The following LIMA1 variants were observed in gnomAD, a reference collection of about 807,000 sequenced individuals.
LIMA1 encodes LIM domain and actin-binding protein 1.
In LIMA1, 52 loss-of-function variants were observed where a neutral mutation model predicts 62.6. The ratio of observed to expected loss-of-function variants is 0.83; its 90% CI spans 0.67 to 1.05. The LOEUF is 1.05. LIMA1 is among the 50% of genes least tolerant of loss of function. The pLI is 0.00. For missense variants in LIMA1, 780 were observed against 902.2 expected, an observed-to-expected ratio of 0.86 and a Z score of 1.74; for synonymous variants, 302 against 317.8, an observed-to-expected ratio of 0.95 and a Z score of 0.53.
rs371904235 is a variant in LIMA1 at position 50,198,727 on chromosome 12, C to T, written c.972+2050G>A. On this transcript the variant is annotated intron_variant, in intron 7 of 10. Transcript: ENST00000341247. ...ACTGTAATAGATTTGAAAACCCTTTCTCCTCATCTCATTTAACATTCGATT... is the reference window on the plus strand; with the variant it reads ...ACTGTAATAGATTTGAAAACCCTTTTTCCTCATCTCATTTAACATTCGATT... Among the ~76,000 whole-genome samples the T allele has an allele frequency of 1.7e-4, 26 of 152,262 alleles. No homozygotes were observed. The East Asian group carries it at 4.2e-3, about 25-fold the overall frequency.
intron 2 of LIMA1, among the ~76,000 whole-genome samples, chr12:50,242,416 T>C (rs1002074797): frequency 6.6e-6 from 1 of 151,798 alleles, no homozygotes; most frequent in African/African-American, 2.4e-5. Context: ...AAGGCAGTGG[T>C]GCAATCATAG....
chr12:50,215,980 C>T (rs1318881024), intron 4 of LIMA1, among the ~76,000 whole-genome samples: 3 of 151,484 alleles, frequency 2.0e-5, no homozygotes, highest in Non-Finnish European at 4.4e-5. Flanking sequence ...ACCTGGGAGG[C>T]TGCAGTGAGC....
At chr12:50,215,385 G>T (rs774812871) in intron 4 of LIMA1, among the ~76,000 whole-genome samples, 4 of 152,150 alleles carry the variant, frequency 2.6e-5, no homozygotes, top group Non-Finnish European at 5.9e-5. Flanking sequence ...ACAAACAAGA[G>T]AAAAGGGTGA....
intron 3 of LIMA1, among the ~76,000 whole-genome samples, chr12:50,231,069 G>GT (rs34957964): frequency 1.3e-5 from 2 of 152,096 alleles, no homozygotes; most frequent in Non-Finnish European, 2.9e-5. Flanking sequence ...AAACATATGA[G>GT]TTTTTTTCCT....
chr12:50,212,126 T>C (rs1565842841), intron 4 of LIMA1, among the ~76,000 whole-genome samples: 1 of 152,260 alleles, frequency 6.6e-6, no homozygotes, highest in Non-Finnish European at 1.5e-5. Context: ...AATTTTTTTC[T>C]GTATTTTTTA....
At chr12:50,205,607 A>G (rs1407989044) in intron 5 of LIMA1, among the ~76,000 whole-genome samples, 1 of 152,050 alleles carries the variant, frequency 6.6e-6, no homozygotes, top group Non-Finnish European at 1.5e-5. Flanking sequence ...CATCTACTGA[A>G]GCCCTCAAAC....
At chr12:50,220,366 G>A (rs145809415) in intron 4 of LIMA1, among the ~76,000 whole-genome samples, 7 of 152,092 alleles carry the variant, frequency 4.6e-5, no homozygotes, top group African/African-American at 1.2e-4. Flanking sequence ...GGACTAGTAA[G>A]ATCTTATATG....
intron 4 of LIMA1, among the ~76,000 whole-genome samples, chr12:50,220,927 A>T (rs983576747): frequency 6.6e-6 from 1 of 152,084 alleles, no homozygotes; most frequent in African/African-American, 2.4e-5. Flanking sequence ...ATCGTCAAAA[A>T]CTCGCACAAC....
intron 1 of LIMA1, among the ~76,000 whole-genome samples, chr12:50,253,028 A>G (rs1346574472): frequency 6.6e-6 from 1 of 152,210 alleles, no homozygotes; most frequent in African/African-American, 2.4e-5. Context: ...AAAAGTGGGA[A>G]GAGAGAAATT....
In LIMA1 at chr12:50,222,541, ATGT is replaced by A. The variant is rs747428796; in HGVS notation, c.166-59_166-57del. 4 of 1,611,480 alleles carry A rather than the reference ATGT, an allele frequency of 2.5e-6. No homozygotes were observed. In the Admixed American group the frequency reaches 5.0e-5, roughly 20 times the overall value. On this transcript the variant is annotated intron_variant, in intron 3 of 10. Transcript: ENST00000341247. ...AACTTGCCTGCTGAAACATTCAAAC[ATGT>A]TGTTCTTTGTAAAATGAAAGTTAAA... is the stretch of plus-strand genomic sequence containing the variant.
chr12:50,275,367 AAAT>A (rs1428148444), intron 1 of LIMA1, among the ~76,000 whole-genome samples: 1 of 152,164 alleles, frequency 6.6e-6, no homozygotes, highest in East Asian at 1.9e-4. Context: ...CTGTGTCTCA[AAAT>A]AATAAAATAA....
intron 7 of LIMA1, among the ~76,000 whole-genome samples, chr12:50,200,195 C>T (rs1053812739): frequency 4.1e-5 from 6 of 145,088 alleles, no homozygotes; most frequent in Admixed American, 2.8e-4. Context: ...ACACTCGGCC[C>T]GAATAGATTT....
intron 1 of LIMA1, among the ~76,000 whole-genome samples, chr12:50,262,611 C>T (rs897181048): frequency 6.9e-6 from 1 of 145,248 alleles, no homozygotes; most frequent in African/African-American, 2.6e-5. Flanking sequence ...TGTTCTCTGC[C>T]AAAAAATAAA....
At chr12:50,279,010 CTTTTTTTTTT>C (rs35710007) in intron 1 of LIMA1, among the ~76,000 whole-genome samples, 1 of 137,644 alleles carries the variant, frequency 7.3e-6, no homozygotes, top group Middle Eastern at 3.6e-3. Context: ...CTTTTCTTTT[CTTTTTTTTTT>C]TTTGATATGG....
intron 1 of LIMA1, among the ~76,000 whole-genome samples, chr12:50,272,485 G>A (rs375534873): frequency 5.9e-5 from 9 of 151,582 alleles, no homozygotes; most frequent in Non-Finnish European, 1.3e-4. Context: ...CCAGCTACTC[G>A]GGAGGCTGAG....
intron 4 of LIMA1, among the ~76,000 whole-genome samples, chr12:50,218,514 G>A (rs989832187): frequency 6.6e-6 from 1 of 152,202 alleles, no homozygotes; most frequent in Admixed American, 6.5e-5. Flanking sequence ...TAGCACAGCT[G>A]TACCCAAATG....
At chr12:50,250,290 CAAAAAAAAAAAAAA>C (rs11327744) in intron 1 of LIMA1, among the ~76,000 whole-genome samples, 2 of 64,616 alleles carry the variant, frequency 3.1e-5, no homozygotes, top group African/African-American at 6.0e-5. Context: ...AACTCCGTTT[CAAAAAAAAAAAAAA>C]AAAAAAAAAG....
At position 50,222,186 on chromosome 12, in the gene LIMA1, T is replaced by C; in HGVS notation, c.465A>G (p.Ser155=). 6.2e-7 allele frequency: 1 copy of C among 1,614,236 alleles called. No homozygotes were observed. The highest frequency in any genetic ancestry group is 8.5e-7 in the Non-Finnish European group (1 of 1,180,046). Residue 155 remains serine, a synonymous_variant, in exon 4 of 11, where the codon TCA becomes TCG. Transcript: ENST00000341247. ...IKDGEDLKDH[S]TESKKMENCL... is the part of the protein sequence containing the mutation. ...AATTTTCCATTTTTTTACTTTCTGTTGAGTGGTCTTTAAGATCCTCACCGT... is the reference window on the plus strand; with the variant it reads ...AATTTTCCATTTTTTTACTTTCTGTCGAGTGGTCTTTAAGATCCTCACCGT...
At chr12:50,255,840 C>T (rs367832908) in intron 1 of LIMA1, among the ~76,000 whole-genome samples, 1 of 151,724 alleles carries the variant, frequency 6.6e-6, no homozygotes, top group Non-Finnish European at 1.5e-5. Flanking sequence ...TATTTCTGTA[C>T]AAAAATAGTG....
Sources: gnomAD v4.1 joint callset for allele counts (sites outside exome capture counted in the v4.1 genomes callset) on GRCh38, gnomAD v4.1.1 for gene constraint, MANE v1.5 for transcripts, NCBI Gene and HGNC (gene_info 2026-07-23, HGNC 2026-07-21) for gene names.